The following ADAM19 variants were observed in gnomAD, a reference collection of about 807,000 sequenced individuals.
ADAM19 encodes disintegrin and metalloproteinase domain-containing protein 19.
ADAM19 carries 65 observed loss-of-function variants against 114.7 expected under a neutral mutation model. That is an observed-to-expected ratio of 0.57 (90% confidence interval 0.46 to 0.70). The LOEUF is 0.70. Ranked by LOEUF, ADAM19 falls within the 30% of genes least tolerant of loss-of-function variation. The pLI is 0.00. For synonymous variants in ADAM19, 466 were observed against 460.5 expected, an observed-to-expected ratio of 1.01 and a Z score of -0.15; for missense variants, 1,063 against 1,204.7, an observed-to-expected ratio of 0.88 and a Z score of 1.74.
intron 7 of ADAM19, among the ~76,000 whole-genome samples, chr5:157,517,614 A>G (rs955360031): frequency 1.1e-4 from 17 of 152,170 alleles, no homozygotes; most frequent in African/African-American, 3.4e-4. Context: ...GGTCCATCTT[A>G]GTGCTTATCA....
chr5:157,552,268 G>A (rs1352716291), intron 3 of ADAM19, among the ~76,000 whole-genome samples: 5 of 152,182 alleles, frequency 3.3e-5, no homozygotes, highest in Non-Finnish European at 1.5e-5. Flanking sequence ...CCTTGTGTAC[G>A]TTGCTGGTGG....
At chr5:157,512,667 T>C (rs1271813547) in intron 8 of ADAM19, among the ~76,000 whole-genome samples, 1 of 152,228 alleles carries the variant, frequency 6.6e-6, no homozygotes, top group Non-Finnish European at 1.5e-5. Flanking sequence ...TTCAAAAATG[T>C]AGGTATTTCC....
intron 3 of ADAM19, among the ~76,000 whole-genome samples, chr5:157,544,545 C>T (rs1310425953): frequency 2.0e-5 from 3 of 152,178 alleles, no homozygotes; most frequent in Non-Finnish European, 4.4e-5. Flanking sequence ...CTCGTGGCTG[C>T]CTCTGTGAAG....
intron 5 of ADAM19, among the ~76,000 whole-genome samples, chr5:157,522,297 T>C (rs982212564): frequency 5.1e-5 from 6 of 116,872 alleles, no homozygotes; most frequent in African/African-American, 2.4e-4. Flanking sequence ...TTTTTGTTTT[T>C]GTTTCATCAA....
chr5:157,520,969 A>C (rs1226638817), intron 5 of ADAM19, among the ~76,000 whole-genome samples: 1 of 152,220 alleles, frequency 6.6e-6, no homozygotes, highest in Non-Finnish European at 1.5e-5. Flanking sequence ...GTATCATGCC[A>C]GTTGCTGAGG....
intron 9 of ADAM19, among the ~76,000 whole-genome samples, chr5:157,507,541 C>T (rs1302098472): frequency 6.6e-6 from 1 of 152,212 alleles, no homozygotes; most frequent in African/African-American, 2.4e-5. Flanking sequence ...CCCACTTCCA[C>T]CAGCTGCCGG....
At chr5:157,541,027 CA>C in intron 3 of ADAM19, among the ~76,000 whole-genome samples, 1 of 152,298 alleles carries the variant, frequency 6.6e-6, no homozygotes, top group East Asian at 1.9e-4. Flanking sequence ...TAGGGCCAGC[CA>C]TCTGTTTGAA....
intron 21 of ADAM19, among the ~76,000 whole-genome samples, chr5:157,486,861 T>C (rs549981974): frequency 5.3e-5 from 8 of 151,810 alleles, no homozygotes; most frequent in Non-Finnish European, 8.8e-5. Context: ...TATTTAGAGA[T>C]AAGGTCTTTA....
chr5:157,526,867 T>A (rs1445484234), intron 5 of ADAM19, among the ~76,000 whole-genome samples: 1 of 151,958 alleles, frequency 6.6e-6, no homozygotes, highest in African/African-American at 2.4e-5. Flanking sequence ...GTGATCTGCC[T>A]GCCTCGGCCT....
chr5:157,493,039 A>G lies in ADAM19; in HGVS notation c.1842T>C (p.Pro614=), dbSNP rs762744387. Reference sequence around the variant, plus strand: ...GGTCCAGCATGTCACCCTCCTCCTCAGGACCTCGGTAGACGTGGGTGCCCC... The same window carrying G: ...GGTCCAGCATGTCACCCTCCTCCTCGGGACCTCGGTAGACGTGGGTGCCCC... ...QCRGTHVYRG[P]EEEGDMLDPG... is the part of the protein sequence containing the mutation. Residue 614 remains proline, a synonymous_variant, in exon 16 of 23, where the codon CCT becomes CCC. Coordinates refer to ENST00000257527, the MANE Select transcript of ADAM19 (RefSeq NM_033274.5). 31 of 1,614,088 alleles carry G rather than the reference A, an allele frequency of 1.9e-5. No homozygotes were observed. Among genetic ancestry groups the G allele is most frequent in the Non-Finnish European group, 2.5e-5 (30 of 1,180,036 alleles).
intron 6 of ADAM19, 109 bp from the exon 7 acceptor site, chr5:157,518,997 G>C (rs906763819): frequency 3.3e-6 from 3 of 908,792 alleles, no homozygotes; most frequent in Non-Finnish European, 5.4e-6. Flanking sequence ...CCTCCGTAAT[G>C]ATTTTGTCAT....
At chr5:157,563,777 C>T (rs1403627339) in intron 3 of ADAM19, among the ~76,000 whole-genome samples, 1 of 152,170 alleles carries the variant, frequency 6.6e-6, no homozygotes, top group African/African-American at 2.4e-5. Context: ...GATATGACTG[C>T]ATCTGATGGC....
Position 157,477,581 on chromosome 5 carries a change from T to G in ADAM19, c.*3368A>C. The G allele has an allele frequency of 8.0e-7, 1 of 1,247,190 alleles. No individual in the cohort carries two copies. The allele number at this position is 1,247,190 out of a possible 1,614,324, so 77.3% of individuals were successfully genotyped here. On this transcript the variant is annotated 3_prime_UTR_variant, in exon 23 of 23. Coordinates refer to ENST00000257527, the MANE Select transcript of ADAM19 (RefSeq NM_033274.5). ...ATGTGGGCTTGGATTCTACAGAACC[T>G]CTCCTTCGCAGGCTCCCCTGGGGAA...
At chr5:157,514,040 C>T (rs1308789514) in intron 7 of ADAM19, among the ~76,000 whole-genome samples, 3 of 152,172 alleles carry the variant, frequency 2.0e-5, no homozygotes, top group Non-Finnish European at 4.4e-5. Flanking sequence ...CCTAGAGGAG[C>T]TTCAATTAAA....
chr5:157,512,619 T>G (rs1021734124), intron 8 of ADAM19, among the ~76,000 whole-genome samples: 1 of 152,214 alleles, frequency 6.6e-6, no homozygotes, highest in African/African-American at 2.4e-5. Flanking sequence ...ATATACACAA[T>G]GTACTTCCAA....
intron 1 of ADAM19, among the ~76,000 whole-genome samples, chr5:157,574,022 TA>T (rs1757901595): frequency 6.6e-6 from 1 of 152,228 alleles, no homozygotes; most frequent in Non-Finnish European, 1.5e-5. Context: ...ATAGAGTCAT[TA>T]AAATCATGTT....
intron 8 of ADAM19, among the ~76,000 whole-genome samples, chr5:157,511,226 G>A (rs1244447817): frequency 6.6e-6 from 1 of 152,190 alleles, no homozygotes; most frequent in East Asian, 1.9e-4. Flanking sequence ...AGGACATAAT[G>A]AGCAGGAGAT....
intron 3 of ADAM19, among the ~76,000 whole-genome samples, chr5:157,559,331 G>A (rs765842081): frequency 3.3e-5 from 5 of 152,194 alleles, no homozygotes; most frequent in Non-Finnish European, 7.3e-5. Context: ...GAAGAAATGA[G>A]AGTCCTAGAA....
At chr5:157,533,505 T>G (rs1162679587) in intron 4 of ADAM19, among the ~76,000 whole-genome samples, 2 of 152,020 alleles carry the variant, frequency 1.3e-5, no homozygotes, top group Admixed American at 1.3e-4. Flanking sequence ...CTGAACCTGG[T>G]CCTTAGAACT....
Sources: allele counts gnomAD v4.1 joint callset (sites outside exome capture counted in the v4.1 genomes callset), GRCh38; gene constraint gnomAD v4.1.1; transcripts MANE v1.5; gene names NCBI Gene and HGNC (gene_info 2026-07-23, HGNC 2026-07-21).